The following LRP1 variants were observed in gnomAD, a reference collection of about 807,000 sequenced individuals.
The protein encoded by LRP1 is prolow-density lipoprotein receptor-related protein 1.
Under a neutral mutation model 541.5 loss-of-function variants are expected in LRP1, and 51 were observed. The observed-to-expected ratio is 0.09, with a 90% confidence interval of 0.08 to 0.12. The LOEUF is 0.12. Among genes scored for constraint, LRP1 ranks in the 10% least tolerant of loss-of-function variants. The pLI is 1.00. For missense variants in LRP1, 3,878 were observed against 6,376.2 expected, an observed-to-expected ratio of 0.61 and a Z score of 13.34; for synonymous variants, 2,219 against 2,470.8, an observed-to-expected ratio of 0.90 and a Z score of 3.02.
In LRP1 at chr12:57,212,567, G is replaced by C. The variant is rs371796295; in HGVS notation, c.*12G>C. On this transcript the variant is annotated 3_prime_UTR_variant, in exon 89 of 89. Coordinates refer to ENST00000243077, the MANE Select transcript of LRP1 (RefSeq NM_002332.3). The surrounding 1 kb of genome is among the most constrained non-coding windows in gnomAD (Gnocchi z 5.0). ...ACCCCTTGGCATAGGGCCCTGCCCC[G>C]TCGGACTGCCCCCAGAAAGCCTCCT... 5.1e-6 allele frequency: 8 copies of C among 1,566,756 alleles called. No homozygotes were observed. Among genetic ancestry groups the C allele is most frequent in the Non-Finnish European group, 6.9e-6 (8 of 1,155,516 alleles).
At position 57,194,680 on chromosome 12, in the gene LRP1, C is replaced by A; in HGVS notation, c.8172C>A (p.Gly2724=). 10 of 1,579,876 alleles carry A rather than the reference C, an allele frequency of 6.3e-6. No homozygotes were observed. Among genetic ancestry groups the A allele is most frequent in the Non-Finnish European group, 8.6e-6 (10 of 1,163,242 alleles). Reference sequence around the variant, plus strand: ...ACAAAGAGGATGACTGTGAACATGGCGAGGACGAGACCCACTGCAGTGAGT... The same window carrying A: ...ACAAAGAGGATGACTGTGAACATGGAGAGGACGAGACCCACTGCAGTGAGT... ...TCDKEDDCEH[G]EDETHCNKFC... Residue 2724 remains glycine, a synonymous_variant, in exon 50 of 89, where the codon GGC becomes GGA. Transcript: ENST00000243077.
chr12:57,180,870 C>T (rs1409498157), intron 33 of LRP1, 63 bp downstream of exon 33: 4 of 1,596,934 alleles, frequency 2.5e-6, no homozygotes, highest in East Asian at 2.2e-5. Context: ...TCCAGAGCTG[C>T]AGGCTGCAGG....
rs2035761049 is a variant in LRP1, at chr12:57,162,709, C to G, written c.2405-149C>G. 1.9e-6 allele frequency: 2 copies of G among 1,060,010 alleles called. No individual in the cohort carries two copies. The highest frequency in any genetic ancestry group is 2.3e-5 in the Admixed American group (1 of 43,836). 65.7% of individuals were successfully genotyped at this position (1,060,010 alleles called of 1,614,324 possible). ...CCCCATTTCCCTTCCTGCCCCATGT[C>G]TGTGTCTCCTGTTCTTCAACATGAT... On this transcript the variant is annotated intron_variant, in intron 14 of 88. Coordinates refer to ENST00000243077, the MANE Select transcript of LRP1 (RefSeq NM_002332.3). The surrounding 1 kb of genome is among the most constrained non-coding windows in gnomAD (Gnocchi z 5.2).
chr12:57,139,263 C>T (rs931151017), intron 2 of LRP1, among the ~76,000 whole-genome samples: 3 of 152,006 alleles, frequency 2.0e-5, no homozygotes, highest in African/African-American at 4.8e-5. Context: ...TTCCTAGGTC[C>T]GTCTCTGTTC....
chr12:57,190,875 G>A lies in LRP1; in HGVS notation c.7102G>A (p.Val2368Ile). 3 of 1,614,014 alleles carry A rather than the reference G, an allele frequency of 1.9e-6. No homozygotes were observed. Among genetic ancestry groups the A allele is most frequent in the Non-Finnish European group, 2.5e-6 (3 of 1,179,998 alleles). ...IMRAALSGAN[V>I]LTLIEKDIRT... ...GCGGGCGGCGCTCTCGGGAGCCAAT[G>A]TCCTGACCCTTATCGAGAAGGACAT... The change falls in exon 43 of 89, where the codon GTC (valine) becomes ATC (isoleucine). Residue 2368 changes from valine to isoleucine, a missense_variant. By Grantham distance (29) the Val-to-Ile change is conservative (BLOSUM62 3). Coordinates refer to ENST00000243077, the MANE Select transcript of LRP1 (RefSeq NM_002332.3).
chr12:57,141,578 A>G, intron 3 of LRP1, 67 bp downstream of exon 3: 1 of 1,594,796 alleles, frequency 6.3e-7, no homozygotes, highest in Non-Finnish European at 8.6e-7. Flanking sequence ...CCTTCCGAGG[A>G]CTGTCCTGGC....
intron 41 of LRP1, among the ~76,000 whole-genome samples, chr12:57,186,329 C>T (rs1389340618): frequency 6.6e-6 from 1 of 152,218 alleles, no homozygotes; most frequent in Admixed American, 6.5e-5. Context: ...GAAGGCTTAG[C>T]TCAGTGATGC....
Position 57,210,500 on chromosome 12 carries a change from C to T in LRP1, c.12754+20C>T. On this transcript the variant is annotated intron_variant, in intron 82 of 88. Coordinates refer to ENST00000243077, the MANE Select transcript of LRP1 (RefSeq NM_002332.3). Reference sequence around the variant, plus strand: ...CCTCTGGTATGCCCCCTCATCCCGCCACGCCTGCTCCTTGCCCCTGGGCCC... The same window carrying T: ...CCTCTGGTATGCCCCCTCATCCCGCTACGCCTGCTCCTTGCCCCTGGGCCC... The T allele has an allele frequency of 6.6e-7, 1 of 1,518,940 alleles. No individual in the cohort carries two copies. The highest frequency in any genetic ancestry group is 8.8e-7 in the Non-Finnish European group (1 of 1,131,878). The allele number at this position is 1,518,940 out of a possible 1,614,324, so 94.1% of individuals were successfully genotyped here. A position where few individuals can be genotyped will look rare whatever the true frequency, so the allele number is the denominator to read the frequency against.
At chr12:57,148,905 A>G in intron 6 of LRP1, 1 of 548,206 alleles carries the variant, frequency 1.8e-6, no homozygotes, top group East Asian at 3.2e-5. Flanking sequence ...CAAGGTTGCG[A>G]AATGGGTCCC....
At chr12:57,188,642 G>A (rs1180308580) in intron 42 of LRP1, among the ~76,000 whole-genome samples, 1 of 152,220 alleles carries the variant, frequency 6.6e-6, no homozygotes, top group East Asian at 1.9e-4. Flanking sequence ...CCCAGAGGAC[G>A]TGACCCCCTG....
chr12:57,199,073 G>A (rs2036593979), intron 60 of LRP1, 139 bp from the exon 61 acceptor site: 2 of 780,286 alleles, frequency 2.6e-6, no homozygotes, highest in South Asian at 1.6e-5. Flanking sequence ...GACCATGGGG[G>A]GTCTGTACCA....
chr12:57,194,757 GTCC>G, intron 50 of LRP1, 58 bp downstream of exon 50: 1 of 1,513,622 alleles, frequency 6.6e-7, no homozygotes, highest in Non-Finnish European at 8.8e-7. Flanking sequence ...CCACTTCTTA[GTCC>G]CCCCCAGCAA....
Position 57,163,000 on chromosome 12 carries a change from TG to T in LRP1, c.2530+20del. On this transcript the variant is annotated intron_variant, in intron 15 of 88. Coordinates refer to ENST00000243077, the MANE Select transcript of LRP1 (RefSeq NM_002332.3). This position sits in a 1 kb window ranked among gnomAD's most constrained non-coding sequence, Gnocchi z 5.2. The stretch of plus-strand genomic sequence containing the variant: ...CTTGCTTGGGTATGAGGTGCCTGGC[TG>T]GGTGGGAGTGGGAAGCAGACCCCAT... 1 of 1,589,668 alleles carries T rather than the reference TG, an allele frequency of 6.3e-7. No individual in the cohort carries two copies.
rs1009066321 is a variant in LRP1, at chr12:57,213,308, AAAT to A, written c.*756_*758del. On this transcript the variant is annotated 3_prime_UTR_variant, in exon 89 of 89. Coordinates refer to ENST00000243077, the MANE Select transcript of LRP1 (RefSeq NM_002332.3). ...ATTTTTGCTGAATTCCTTTACAACT[AAAT>A]AACACAGATATTGTTATAAATAAAA... 7 of 150,680 alleles carry A rather than the reference AAAT, an allele frequency of 4.6e-5. No homozygotes were observed. Among genetic ancestry groups the A allele is most frequent in the African/African-American group, 1.7e-4 (7 of 40,908 alleles). 9.3% of individuals were successfully genotyped at this position (150,680 alleles called of 1,614,324 possible). A position where few individuals can be genotyped will look rare whatever the true frequency, so the allele number is the denominator to read the frequency against.
chr12:57,202,716 A>G, intron 68 of LRP1, 179 bp downstream of exon 68: 1 of 605,074 alleles, frequency 1.7e-6, no homozygotes, highest in Non-Finnish European at 3.0e-6. Flanking sequence ...ATTTCACCTC[A>G]TCTCATGTTT....
At position 57,204,342 on chromosome 12, in the gene LRP1, C is replaced by T. The variant is rs886797768; in HGVS notation, c.10952-68C>T. 2.1e-6 allele frequency: 3 copies of T among 1,459,150 alleles called. No homozygotes were observed. The highest frequency in any genetic ancestry group is 2.3e-5 in the East Asian group (1 of 42,616). 90.4% of individuals were successfully genotyped at this position (1,459,150 alleles called of 1,614,324 possible). A position where few individuals can be genotyped will look rare whatever the true frequency, so the allele number is the denominator to read the frequency against. ...GTGACCCCTCTGAGCCTGGAACCCC[C>T]ACCTGTGGAGACAGGGGTCTGGGTG... On this transcript the variant is annotated intron_variant, in intron 70 of 88. Coordinates refer to ENST00000243077, the MANE Select transcript of LRP1 (RefSeq NM_002332.3). The surrounding 1 kb of genome is among the most constrained non-coding windows in gnomAD (Gnocchi z 5.3).
rs202137497 is a variant in LRP1 at position 57,206,769 on chromosome 12, G to A, written c.11859+28G>A. On this transcript the variant is annotated intron_variant, in intron 76 of 88. Coordinates refer to ENST00000243077, the MANE Select transcript of LRP1 (RefSeq NM_002332.3). The surrounding 1 kb of genome is among the most constrained non-coding windows in gnomAD (Gnocchi z 4.7). ...GAGTGCCCAACCTGGCGTGGATGGAGTGGAAGAGCTCCATAGAGCAGGCGG... is the reference window on the plus strand; with the variant it reads ...GAGTGCCCAACCTGGCGTGGATGGAATGGAAGAGCTCCATAGAGCAGGCGG... The A allele has an allele frequency of 8.6e-4, 1,377 of 1,605,042 alleles. 3 individuals carry two copies. Among genetic ancestry groups the A allele is most frequent in the Non-Finnish European group, 1.1e-3 (1,247 of 1,178,486 alleles).
Position 57,179,956 on chromosome 12 carries a change from G to T in LRP1, c.5141G>T (p.Gly1714Val). ...PHGLVVHPLR[G>V]KLYWTDGDNI... The stretch of plus-strand genomic sequence containing the variant: ...GGCCTTGTCGTCCACCCTCTGCGTG[G>T]GTCAGTCTAGGGCCCAGGGCCGGGG... Residue 1714 changes from glycine to valine, a missense_variant and splice_region_variant, in exon 30 of 89, where the codon GGG becomes GTG. Around this residue, in one of 13 missense-constraint regions of LRP1, gnomAD observed 394 missense variants for 635.9 expected, o/e 0.62. Transcript: ENST00000243077. The surrounding 1 kb of genome is among the most constrained non-coding windows in gnomAD (Gnocchi z 6.8). 6.2e-7 allele frequency: 1 copy of T among 1,614,028 alleles called. No homozygotes were observed. Among genetic ancestry groups the T allele is most frequent in the African/African-American group, 1.3e-5 (1 of 75,044 alleles).
chr12:57,207,933 G>T, intron 76 of LRP1, 105 bp from the exon 77 acceptor site: 1 of 1,289,240 alleles, frequency 7.8e-7, no homozygotes, highest in East Asian at 2.4e-5. Flanking sequence ...CCAGGGTCCT[G>T]GCTGTGAGCC....
Sources: gnomAD v4.1 joint callset for allele counts (sites outside exome capture counted in the v4.1 genomes callset) on GRCh38, gnomAD v4.1.1 for gene constraint, gnomAD v4.1.1 regional missense constraint, Gnocchi (gnomAD v3.1) non-coding constraint, MANE v1.5 for transcripts, NCBI Gene and HGNC (gene_info 2026-07-23, HGNC 2026-07-21) for gene names.